The following YKT6 variants were observed in gnomAD, a reference collection of about 807,000 sequenced individuals.
The protein encoded by YKT6 is YKT6 vesicular SNARE protein.
In YKT6, 12 loss-of-function variants were observed where a neutral mutation model predicts 29.3. The ratio of observed to expected loss-of-function variants is 0.41; its 90% CI spans 0.26 to 0.66. The LOEUF is 0.66. YKT6 is among the 30% of genes least tolerant of loss of function. The pLI, the probability that YKT6 is intolerant of heterozygous loss-of-function variation, is 0.32. For synonymous variants in YKT6, 86 were observed against 94.3 expected, an observed-to-expected ratio of 0.91 and a Z score of 0.51; for missense variants, 188 against 243.8, an observed-to-expected ratio of 0.77 and a Z score of 1.52.
At chr7:44,211,220 T>A in intron 6 of YKT6, 96 bp downstream of exon 6, 1 of 1,119,618 alleles carries the variant, frequency 8.9e-7, no homozygotes, top group Non-Finnish European at 1.3e-6. Flanking sequence ...CGGGTCTTTC[T>A]TAGACTGTTG....
chr7:44,204,711 T>C, intron 2 of YKT6, 61 bp downstream of exon 2: 1 of 1,539,078 alleles, frequency 6.5e-7, no homozygotes, highest in Non-Finnish European at 9.0e-7. Context: ...TCACCTCACA[T>C]AGCACCCAGC....
At chr7:44,201,769 C>T (rs535541776) in intron 1 of YKT6, among the ~76,000 whole-genome samples, 155 of 152,264 alleles carry the variant, frequency 1.0e-3, no homozygotes, top group African/African-American at 3.4e-3. Context: ...TGCGGGGCTT[C>T]CCAACAATTC....
chr7:44,212,638 CTT>C lies in YKT6; in HGVS notation c.*358_*359del, dbSNP rs2096348107. 4.0e-6 allele frequency: 1 copy of C among 247,834 alleles called. No individual in the cohort carries two copies. The highest frequency in any genetic ancestry group is 7.8e-6 in the Non-Finnish European group (1 of 128,588). The allele number at this position is 247,834 out of a possible 1,614,324, so 15.4% of individuals were successfully genotyped here. ...AGCTGTTTCTCGATCTTTGGTATATCTTTGGATCTTATTTGTACATTAATGAT... is the reference window on the plus strand; with the variant it reads ...AGCTGTTTCTCGATCTTTGGTATATCTGGATCTTATTTGTACATTAATGAT... On this transcript the variant is annotated 3_prime_UTR_variant, in exon 7 of 7. Transcript: ENST00000223369.
chr7:44,208,052 T>G lies in YKT6; in HGVS notation c.394-81T>G, dbSNP rs1037353465. ...GCTGTGGTTTTTAACCTGTGAAAGT[T>G]TGTCCAGCTTCCTCAGTTTTAGGTT... On this transcript the variant is annotated intron_variant, in intron 4 of 6. Transcript: ENST00000223369. The G allele has an allele frequency of 1.9e-5, 28 of 1,464,854 alleles. No homozygotes were observed. The South Asian group carries it at 3.0e-4, about 16-fold the overall frequency. The allele number at this position is 1,464,854 out of a possible 1,614,324, so 90.7% of individuals were successfully genotyped here.
chr7:44,212,314 G>A lies in YKT6; in HGVS notation c.*32G>A. ...CTGCCAGAGGCCCAATGCTGGAATG[G>A]CACCATCATTCACATCAGAACTGCA... On this transcript the variant is annotated 3_prime_UTR_variant, in exon 7 of 7. Coordinates refer to ENST00000223369, the MANE Select transcript of YKT6 (RefSeq NM_006555.4). 1 of 1,612,446 alleles carries A rather than the reference G, an allele frequency of 6.2e-7. No individual in the cohort carries two copies. The highest frequency in any genetic ancestry group is 1.1e-5 in the South Asian group (1 of 90,930).
Position 44,206,412 on chromosome 7 carries a change from A to G in YKT6, c.215A>G (p.Asn72Ser), listed in dbSNP as rs202098672. 1.5e-5 allele frequency: 25 copies of G among 1,614,102 alleles called. No individual in the cohort carries two copies. The highest frequency in any genetic ancestry group is 5.0e-5 in the Admixed American group (3 of 60,022). Residue 72 changes from asparagine (N) to serine (S), a missense_variant, in exon 3 of 7, where the codon AAT becomes AGT. Physicochemically the swap from Asn to Ser is conservative, Grantham distance 46 (BLOSUM62 1). Transcript: ENST00000223369. Reference protein sequence around the residue: ...QDYLCHVYVRNDSLAGVVIAD... With the variant: ...QDYLCHVYVRSDSLAGVVIAD... ...TATCTGTGCCACGTCTACGTCCGGA[A>G]TGATAGTCTTGCAGGTGTGGTCATT...
rs1354516091 is a variant in YKT6, at chr7:44,207,396, T to G, written c.297T>G (p.Asp99Glu). 6.2e-7 allele frequency: 1 copy of G among 1,613,928 alleles called. No homozygotes were observed. Among genetic ancestry groups the G allele is most frequent in the Non-Finnish European group, 8.5e-7 (1 of 1,179,908 alleles). ...TCTCCTTTGTCTTGCAGGTACTAGATGAATTCTCCAAGCAAGTCGACAGGA... is the reference window on the plus strand; with the variant it reads ...TCTCCTTTGTCTTGCAGGTACTAGAGGAATTCTCCAAGCAAGTCGACAGGA... The part of the protein sequence containing the change: ...VAFTLLEKVL[D>E]EFSKQVDRID... The change falls in exon 4 of 7, where the codon GAT becomes GAG. Residue 99 changes from aspartate (D) to glutamate (E), a missense_variant. Physicochemically the swap from Asp to Glu is conservative, Grantham distance 45. Around this residue, in one of 3 missense-constraint regions of YKT6, gnomAD observed 100 missense variants for 136.3 expected, o/e 0.73. Coordinates refer to ENST00000223369, the MANE Select transcript of YKT6 (RefSeq NM_006555.4).
intron 1 of YKT6, among the ~76,000 whole-genome samples, chr7:44,203,891 C>T (rs1407007283): frequency 6.6e-6 from 1 of 152,202 alleles, no homozygotes; most frequent in Non-Finnish European, 1.5e-5. Flanking sequence ...GCACCTCTTC[C>T]TCTGGCTGTA....
chr7:44,210,997 T>G, intron 5 of YKT6, 26 bp from the exon 6 acceptor site: 1 of 1,612,686 alleles, frequency 6.2e-7, no homozygotes, highest in Non-Finnish European at 8.5e-7. Flanking sequence ...TGAACAGAGC[T>G]GGATTCTCTT....
In YKT6 at chr7:44,212,370, G is replaced by A. The variant is rs565542803; in HGVS notation, c.*88G>A. 79 of 1,544,640 alleles carry A rather than the reference G, an allele frequency of 5.1e-5. 1 individual carries two copies. The South Asian group carries it at 7.0e-4, about 14-fold the overall frequency. On this transcript the variant is annotated 3_prime_UTR_variant, in exon 7 of 7. Transcript: ENST00000223369. ...TGGAAAAGAAGAGACAGCCATAGAC[G>A]AGGAGCCAGAGTGGGGGCAGACTGG...
At chr7:44,202,213 TA>T (rs35233777) in intron 1 of YKT6, among the ~76,000 whole-genome samples, 10,292 of 145,732 alleles carry the variant, frequency 0.071, 350 homozygotes, top group East Asian at 0.087. Context: ...TTGCTGGATG[TA>T]AAAAAAAAAA....
Position 44,212,420 on chromosome 7 carries a change from G to T in YKT6, c.*138G>T. On this transcript the variant is annotated 3_prime_UTR_variant, in exon 7 of 7. Transcript: ENST00000223369. The stretch of plus-strand genomic sequence containing the variant: ...GCCATTTTTATTTTGAAGTTCCTGC[G>T]AGAAATGGATGGTGGAAGGGTGGCG... The T allele has an allele frequency of 9.2e-7, 1 of 1,085,536 alleles. No individual in the cohort carries two copies. Among genetic ancestry groups the T allele is most frequent in the South Asian group, 1.4e-5 (1 of 71,074 alleles). 67.2% of individuals were successfully genotyped at this position (1,085,536 alleles called of 1,614,324 possible).
intron 6 of YKT6, among the ~76,000 whole-genome samples, chr7:44,211,898 T>TG (rs1470337183): frequency 2.4e-4 from 36 of 152,204 alleles, no homozygotes; most frequent in African/African-American, 8.2e-4. Context: ...AAGACAGGAG[T>TG]GGGGCAAAGT....
chr7:44,213,075 C>G lies in YKT6; in HGVS notation c.*793C>G, dbSNP rs901688676. On this transcript the variant is annotated 3_prime_UTR_variant, in exon 7 of 7. Transcript: ENST00000223369. ...GATGTTTTCCTGGTGTTTGGATGGTCAGCTGGGAGTGTCCATCATCAGGGG... is the reference window on the plus strand; with the variant it reads ...GATGTTTTCCTGGTGTTTGGATGGTGAGCTGGGAGTGTCCATCATCAGGGG... 6.6e-6 allele frequency: 1 copy of G among 152,206 alleles called. No individual in the cohort carries two copies. Among genetic ancestry groups the G allele is most frequent in the Non-Finnish European group, 1.5e-5 (1 of 68,050 alleles). 9.4% of individuals were successfully genotyped at this position (152,206 alleles called of 1,614,324 possible). A position where few individuals can be genotyped will look rare whatever the true frequency, so the allele number is the denominator to read the frequency against.
rs369320488 is a variant in YKT6 at position 44,207,498 on chromosome 7, G to T, written c.393+6G>T. Reference sequence around the variant, plus strand: ...GTCACCTCAGTAGATACCAGGTAGGGTTAAAGGAAGCTTCAGCAGACACCA... The same window carrying T: ...GTCACCTCAGTAGATACCAGGTAGGTTTAAAGGAAGCTTCAGCAGACACCA... On this transcript the variant is annotated splice_donor_region_variant and intron_variant, in intron 4 of 6. Transcript: ENST00000223369. 1.2e-4 allele frequency: 201 copies of T among 1,613,160 alleles called. No individual in the cohort carries two copies. Among genetic ancestry groups the T allele is most frequent in the Middle Eastern group, 4.9e-4 (3 of 6,078 alleles).
chr7:44,210,339 T>G (rs2096345334), intron 5 of YKT6, among the ~76,000 whole-genome samples: 1 of 152,234 alleles, frequency 6.6e-6, no homozygotes, highest in Non-Finnish European at 1.5e-5. Flanking sequence ...CAGCCTCTGG[T>G]GGCTGCTGGC....
intron 1 of YKT6, among the ~76,000 whole-genome samples, chr7:44,204,256 G>A (rs1310465021): frequency 6.6e-6 from 1 of 152,168 alleles, no homozygotes; most frequent in Non-Finnish European, 1.5e-5. Flanking sequence ...CCTGCCTCTT[G>A]TTTTTCCATT....
At chr7:44,207,577 G>C (rs911688948) in intron 4 of YKT6, 85 bp downstream of exon 4, 1 of 1,170,060 alleles carries the variant, frequency 8.5e-7, no homozygotes, top group Non-Finnish European at 1.3e-6. Flanking sequence ...GATAGTTCTG[G>C]TCTAATTACT....
chr7:44,206,207 C>G (rs780584947), intron 2 of YKT6, among the ~76,000 whole-genome samples, 178 bp from the exon 3 acceptor site: 2 of 152,222 alleles, frequency 1.3e-5, no homozygotes, highest in African/African-American at 4.8e-5. Context: ...TTGGGCCAAG[C>G]TCCTGTGTGT....
Sources: allele counts gnomAD v4.1 joint callset (sites outside exome capture counted in the v4.1 genomes callset), GRCh38; gene constraint gnomAD v4.1.1; regional missense constraint gnomAD v4.1.1; transcripts MANE v1.5; gene names NCBI Gene and HGNC (gene_info 2026-07-23, HGNC 2026-07-21).